CFAP69: variants seen among roughly 807,000 people sequenced by gnomAD.
CFAP69 encodes cilia- and flagella-associated protein 69.
Under a neutral mutation model 123.0 loss-of-function variants are expected in CFAP69, and 92 were observed. The observed-to-expected ratio is 0.75, with a 90% CI of 0.63 to 0.89. The LOEUF is 0.89. CFAP69 is among the 40% of genes least tolerant of loss of function. The probability of loss-of-function intolerance (pLI) is 0.00; values close to 1 mark genes in which losing one functional copy is unlikely to be tolerated. For missense variants in CFAP69, 1,067 were observed against 1,096.9 expected (o/e 0.97, Z 0.39); for synonymous variants, 380 against 364.3 (o/e 1.04, Z -0.49).
Position 90,303,788 on chromosome 7 carries a change from G to T in CFAP69, c.2051-181G>T, listed in dbSNP as rs150996793. On this transcript the variant is annotated intron_variant, in intron 17 of 22. Transcript: ENST00000389297. ...TGAAGGCTCTAAGTTTTGCCACAGAGTGGGGAAGAAATAGCTGCTTAATTA... is the reference window on the plus strand; with the variant it reads ...TGAAGGCTCTAAGTTTTGCCACAGATTGGGGAAGAAATAGCTGCTTAATTA... 1.4e-4 allele frequency: 162 copies of T among 1,183,494 alleles called. No homozygotes were observed. The East Asian group carries it at 5.0e-3, about 37-fold the overall frequency. 73.3% of individuals were successfully genotyped at this position (1,183,494 alleles called of 1,614,324 possible).
At chr7:90,321,026 G>T in the CFAP69 span, 1 of 152,196 alleles carries the variant, frequency 6.6e-6, no homozygotes, top group Non-Finnish European at 1.5e-5. Context: ...TCGTTGGGAG[G>T]AGGACGGGGC....
intron 15 of CFAP69, among the ~76,000 whole-genome samples, chr7:90,291,378 G>T (rs1420332483): frequency 2.0e-5 from 3 of 152,102 alleles, no homozygotes; most frequent in Non-Finnish European, 2.9e-5. Flanking sequence ...GAGGTTATTT[G>T]TGTCAGCATA....
intron 4 of CFAP69, among the ~76,000 whole-genome samples, chr7:90,263,197 A>G (rs1335244903): frequency 1.3e-5 from 2 of 152,180 alleles, no homozygotes; most frequent in Admixed American, 6.5e-5. Flanking sequence ...ATTGTATAAT[A>G]TGATAAATCC....
At position 90,283,013 on chromosome 7, in the gene CFAP69, A is replaced by G. The variant is rs769076911; in HGVS notation, c.1494A>G (p.Val498=). Reference sequence around the variant, plus strand: ...TGGTCTACCTTGAAGATGAGACTGTAAACAAAGATCTTTGTGAAAAGGGAA... The same window carrying G: ...TGGTCTACCTTGAAGATGAGACTGTGAACAAAGATCTTTGTGAAAAGGGAA... ...RAVVYLEDET[V]NKDLCEKGTI... Residue 498 remains valine, a synonymous_variant, in exon 13 of 23, where the codon GTA becomes GTG. Transcript: ENST00000389297. 1.3e-6 allele frequency: 2 copies of G among 1,585,436 alleles called. No homozygotes were observed. Among genetic ancestry groups the G allele is most frequent in the Non-Finnish European group, 1.7e-6 (2 of 1,167,280 alleles).
intron 1 of CFAP69, among the ~76,000 whole-genome samples, chr7:90,247,601 A>G (rs1796486832): frequency 6.6e-6 from 1 of 152,232 alleles, no homozygotes; most frequent in African/African-American, 2.4e-5. Context: ...TAATCCCAGC[A>G]CTTTGAGAGG....
intron 1 of CFAP69, among the ~76,000 whole-genome samples, chr7:90,252,629 A>G (rs1797165609): frequency 6.6e-6 from 1 of 152,160 alleles, no homozygotes; most frequent in Non-Finnish European, 1.5e-5. Flanking sequence ...CCGTGATTGC[A>G]CCACTGCACT....
At position 90,271,893 on chromosome 7, in the gene CFAP69, G is replaced by A. The variant is rs760651512; in HGVS notation, c.795G>A (p.Trp265Ter). Residue 265 changes from tryptophan (W) to a stop codon, truncating the protein, a stop_gained, in exon 8 of 23, where the codon TGG (tryptophan) becomes TGA (stop). Transcript: ENST00000389297. LOFTEE classifies it high-confidence loss of function. Reference sequence around the variant, plus strand: ...TATTTCGTTCATCAGAAATACTTTGGAACTTGCTGGAAAAATCTTCAAAAG... The same window carrying A: ...TATTTCGTTCATCAGAAATACTTTGAAACTTGCTGGAAAAATCTTCAAAAG... ...QLLFRSSEIL[W>*]NLLEKSSKEE... 8.1e-6 allele frequency: 13 copies of A among 1,612,510 alleles called. No individual in the cohort carries two copies. Among genetic ancestry groups the A allele is most frequent in the South Asian group, 5.5e-5 (5 of 90,836 alleles).
At chr7:90,272,076 A>G (rs1800036904) in intron 8 of CFAP69, 118 bp downstream of exon 8, 9 of 935,612 alleles carry the variant, frequency 9.6e-6, no homozygotes, top group Non-Finnish European at 1.4e-5. Flanking sequence ...TGTAATGGCT[A>G]TGTTTCAGGA....
At chr7:90,258,899 T>G (rs1464767348) in intron 3 of CFAP69, among the ~76,000 whole-genome samples, 2 of 152,204 alleles carry the variant, frequency 1.3e-5, no homozygotes, top group East Asian at 3.8e-4. Context: ...GAGGGCCAAG[T>G]CAAAGTCATT....
rs117269112 is a variant in CFAP69, at chr7:90,254,830, T to A, written c.121-593T>A. 8.9e-3 allele frequency among the ~76,000 whole-genome samples: 1,357 copies of A among 152,264 alleles called. 19 individuals carry two copies. The highest frequency in any genetic ancestry group is 0.011 in the Non-Finnish European group (766 of 68,000). On this transcript the variant is annotated intron_variant, in intron 1 of 22. Transcript: ENST00000389297. ...TCTGATGGTAGAATAGAGGATGGTG[T>A]TGAAGGGTGCAAGAGTGGAGTCGAC...
chr7:90,258,119 CTT>C lies in CFAP69; in HGVS notation c.203_204del (p.Leu68GlnfsTer24). 6.2e-7 allele frequency: 1 copy of C among 1,611,314 alleles called. No individual in the cohort carries two copies. Among genetic ancestry groups the C allele is most frequent in the Non-Finnish European group, 8.5e-7 (1 of 1,178,712 alleles). On this transcript the variant is annotated frameshift_variant, in exon 3 of 23. Transcript: ENST00000389297. LOFTEE classifies it high-confidence loss of function. ...TDKDGLEEKQ[L>X]KFVKKLVQCY... ...TTAGGATGGCTTGGAAGAAAAACAA[CTT>C]AAATTTGTCAAGAAACTGGTACAGT...
intron 1 of CFAP69, among the ~76,000 whole-genome samples, chr7:90,253,617 C>A (rs1377238140): frequency 2.0e-5 from 3 of 152,146 alleles, no homozygotes; most frequent in African/African-American, 7.2e-5. Context: ...GTCTCGAACT[C>A]CTAACCTCAG....
chr7:90,291,229 A>C (rs548009509), intron 15 of CFAP69, among the ~76,000 whole-genome samples: 16 of 152,192 alleles, frequency 1.1e-4, no homozygotes, highest in Admixed American at 2.0e-4. Flanking sequence ...TTGTATGGTT[A>C]TTTCTTGATG....
intron 13 of CFAP69, among the ~76,000 whole-genome samples, chr7:90,285,656 A>T (rs1204776104): frequency 6.6e-6 from 1 of 152,172 alleles, no homozygotes; most frequent in Non-Finnish European, 1.5e-5. Context: ...GAGATCTGCC[A>T]CCTTTGCTTA....
rs1396923426 is a variant in CFAP69, at chr7:90,303,960, A to C, written c.2051-9A>C. ...TCCCTTTTCTATTTTCATGCTATCC[A>C]ATGATTAGATACAAAAAAACCTCTA... On this transcript the variant is annotated splice_polypyrimidine_tract_variant and intron_variant, in intron 17 of 22. Transcript: ENST00000389297. 6.5e-6 allele frequency: 10 copies of C among 1,544,682 alleles called. No homozygotes were observed. The highest frequency in any genetic ancestry group is 4.0e-5 in the Admixed American group (2 of 50,212).
At chr7:90,278,807 A>T (rs1788998562) in intron 11 of CFAP69, among the ~76,000 whole-genome samples, 1 of 152,136 alleles carries the variant, frequency 6.6e-6, no homozygotes, top group Admixed American at 6.5e-5. Flanking sequence ...GAAACATTAT[A>T]TACTTAATTC....
Position 90,247,269 on chromosome 7 carries a change from G to A in CFAP69, c.120+1725G>A, listed in dbSNP as rs1031227405. The stretch of plus-strand genomic sequence containing the variant: ...AATGGGGGTCTAGAGACCCTGGAAC[G>A]AAAAAATGATAACCTTTTAGGCCTC... On this transcript the variant is annotated intron_variant, in intron 1 of 22. Coordinates refer to ENST00000389297, the MANE Select transcript of CFAP69 (RefSeq NM_001039706.3). 3.3e-5 allele frequency among the ~76,000 whole-genome samples: 5 copies of A among 152,246 alleles called. 1 individual carries two copies. In the South Asian group the frequency reaches 8.3e-4, roughly 25 times the overall value.
chr7:90,254,622 C>T (rs907000723), intron 1 of CFAP69, among the ~76,000 whole-genome samples: 2 of 152,098 alleles, frequency 1.3e-5, no homozygotes, highest in Non-Finnish European at 2.9e-5. Flanking sequence ...CGGCATTTTT[C>T]TAGCCTTTTT....
At chr7:90,319,004 A>G in the CFAP69 span, 1 of 173,724 alleles carries the variant, frequency 5.8e-6, no homozygotes, top group African/African-American at 2.4e-5. Context: ...ATTAATTTCA[A>G]AAGCCTAAAT....
Sources: allele counts gnomAD v4.1 joint callset (sites outside exome capture counted in the v4.1 genomes callset), GRCh38; gene constraint gnomAD v4.1.1; transcripts MANE v1.5; gene names NCBI Gene and HGNC (gene_info 2026-07-23, HGNC 2026-07-21).